The following CCDC192 variants were observed in gnomAD, a reference collection of about 807,000 sequenced individuals.
The protein encoded by CCDC192 is coiled-coil domain-containing protein 192.
At chr5:127,937,846 A>C (rs938714539) in intron 6 of CCDC192, among the ~76,000 whole-genome samples, 8 of 152,228 alleles carry the variant, frequency 5.3e-5, no homozygotes, top group Non-Finnish European at 1.2e-4. Context: ...CAGTTTGACC[A>C]GGGGTGACAC....
intron 3 of CCDC192, among the ~76,000 whole-genome samples, chr5:127,765,571 A>G (rs1210960662): frequency 6.6e-6 from 1 of 152,230 alleles, no homozygotes; most frequent in Admixed American, 6.5e-5. Flanking sequence ...GAGCATCAAA[A>G]GTTTACAAAC....
At chr5:127,809,325 A>G (rs868845629) in intron 5 of CCDC192, among the ~76,000 whole-genome samples, 4 of 152,188 alleles carry the variant, frequency 2.6e-5, no homozygotes, top group South Asian at 2.1e-4. Flanking sequence ...AATAGAATAC[A>G]CATATGTGAG....
rs572779103 is a variant in CCDC192 at position 127,717,634 on chromosome 5, T to C, written c.114+9874T>C. ...TTTACCTTAATAATTTATTTCTCCT[T>C]CATAAAACCCATTAAAGTTGGGAAG... On this transcript the variant is annotated intron_variant, in intron 2 of 6. Transcript: ENST00000514853. 3.9e-5 allele frequency among the ~76,000 whole-genome samples: 6 copies of C among 151,942 alleles called. No homozygotes were observed. The South Asian group carries it at 1.2e-3, about 32-fold the overall frequency.
chr5:127,887,854 C>T (rs940551267), intron 6 of CCDC192, among the ~76,000 whole-genome samples: 15 of 151,786 alleles, frequency 9.9e-5, no homozygotes, highest in Non-Finnish European at 1.9e-4. Flanking sequence ...CAGGCGCTCA[C>T]CACCATGCCC....
At chr5:127,820,299 C>T (rs866624329) in intron 5 of CCDC192, among the ~76,000 whole-genome samples, 14 of 152,300 alleles carry the variant, frequency 9.2e-5, no homozygotes, top group Middle Eastern at 3.4e-3. Flanking sequence ...TTTAAAATGT[C>T]GGCTGGGTGT....
chr5:127,784,935 TA>T, intron 3 of CCDC192: 1 of 463,014 alleles, frequency 2.2e-6, no homozygotes. Context: ...GATGTAATTT[TA>T]TTAAGGTATC....
At chr5:127,705,976 G>GT (rs937871528) in intron 1 of CCDC192, among the ~76,000 whole-genome samples, 2 of 152,042 alleles carry the variant, frequency 1.3e-5, no homozygotes, top group Non-Finnish European at 2.9e-5. Context: ...CCAAAATACT[G>GT]TTTTTTTGCT....
intron 5 of CCDC192, among the ~76,000 whole-genome samples, chr5:127,809,930 C>T (rs1399141317): frequency 6.6e-6 from 1 of 152,116 alleles, no homozygotes; most frequent in Non-Finnish European, 1.5e-5. Flanking sequence ...AAACAGATTG[C>T]TCTGTGTGGC....
At chr5:127,841,927 C>T (rs905716884) in intron 5 of CCDC192, among the ~76,000 whole-genome samples, 1 of 152,168 alleles carries the variant, frequency 6.6e-6, no homozygotes, top group South Asian at 2.1e-4. Flanking sequence ...TGAGCAAGTG[C>T]AATGATGAAT....
At chr5:127,850,321 T>A (rs1750739971) in intron 5 of CCDC192, among the ~76,000 whole-genome samples, 1 of 152,168 alleles carries the variant, frequency 6.6e-6, no homozygotes, top group African/African-American at 2.4e-5. Context: ...GAGTAATTTT[T>A]AAAAATTCTC....
intron 6 of CCDC192, among the ~76,000 whole-genome samples, chr5:127,923,584 A>G (rs1348893889): frequency 6.6e-6 from 1 of 152,122 alleles, no homozygotes; most frequent in Non-Finnish European, 1.5e-5. Flanking sequence ...TCACCGTGTT[A>G]GCCAGGATGG....
chr5:127,739,246 G>A (rs936920901), intron 2 of CCDC192, among the ~76,000 whole-genome samples: 15 of 152,198 alleles, frequency 9.9e-5, no homozygotes, highest in Non-Finnish European at 1.6e-4. Flanking sequence ...CTGCCCGGGG[G>A]TCAGGGGTCA....
intron 6 of CCDC192, among the ~76,000 whole-genome samples, chr5:127,881,992 G>C (rs561163884): frequency 6.6e-6 from 1 of 152,300 alleles, no homozygotes; most frequent in South Asian, 2.1e-4. Flanking sequence ...CACTTTGGGA[G>C]GCCAAGGTGT....
chr5:127,821,837 T>C (rs765653383), intron 5 of CCDC192, among the ~76,000 whole-genome samples: 41 of 152,138 alleles, frequency 2.7e-4, no homozygotes, highest in Non-Finnish European at 5.0e-4. Flanking sequence ...ACCCAGAAAG[T>C]GTGCAACAGA....
intron 5 of CCDC192, among the ~76,000 whole-genome samples, chr5:127,843,524 A>G (rs1304736111): frequency 1.5e-5 from 2 of 136,724 alleles, no homozygotes; most frequent in African/African-American, 5.5e-5. Context: ...TACAACCTCT[A>G]CCTCCCGGGT....
At chr5:127,869,822 T>A (rs1228725295) in intron 5 of CCDC192, among the ~76,000 whole-genome samples, 1 of 152,200 alleles carries the variant, frequency 6.6e-6, no homozygotes, top group Admixed American at 6.5e-5. Context: ...CAGGAGTAAC[T>A]AAAATATATT....
intron 5 of CCDC192, among the ~76,000 whole-genome samples, chr5:127,869,213 A>C (rs1751744784): frequency 6.6e-6 from 1 of 152,152 alleles, no homozygotes; most frequent in Non-Finnish European, 1.5e-5. Context: ...AGTCCCAGCT[A>C]CTTGGGAGGT....
chr5:127,844,525 C>T (rs931959963), intron 5 of CCDC192, among the ~76,000 whole-genome samples: 1 of 152,184 alleles, frequency 6.6e-6, no homozygotes. Context: ...TTGGTATGCT[C>T]ACCCCTGCCT....
chr5:127,907,697 A>G, intron 6 of CCDC192, among the ~76,000 whole-genome samples: 1 of 152,240 alleles, frequency 6.6e-6, no homozygotes, highest in South Asian at 2.1e-4. Context: ...TCTGTCTGTT[A>G]CCAGTGGCTG....
Sources: gnomAD v4.1 joint callset for allele counts (sites outside exome capture counted in the v4.1 genomes callset) on GRCh38, gnomAD v4.1.1 for gene constraint, MANE v1.5 for transcripts, NCBI Gene and HGNC (gene_info 2026-07-23, HGNC 2026-07-21) for gene names.